Variants in NECAB2 observed in about 807,000 individuals in gnomAD.
NECAB2 encodes N-terminal EF-hand calcium binding protein 2.
NECAB2 carries 68 observed loss-of-function variants against 51.9 expected under a neutral mutation model. The ratio of observed to expected loss-of-function variants is 1.31; its 90% CI spans 1.08 to 1.60. The LOEUF (loss-of-function observed/expected upper bound fraction) is 1.60, where lower values mean the gene tolerates loss of function less well. NECAB2 is among the 40% of genes most tolerant of loss of function. The pLI, the probability that NECAB2 is intolerant of heterozygous loss-of-function variation, is 0.00. For synonymous variants in NECAB2, 329 were observed against 203.5 expected (o/e 1.62, Z -5.25); for missense variants, 854 against 490.3 (o/e 1.74, Z -7.00).
intron 6 of NECAB2, chr16:83,993,560 T>A: frequency 6.5e-6 from 1 of 154,290 alleles, no homozygotes; most frequent in Middle Eastern, 5.2e-4. Context: ...ATGGGAGGAT[T>A]TGGTCATTCA....
chr16:83,996,113 C>T (rs776231864), intron 8 of NECAB2, among the ~76,000 whole-genome samples: 1 of 152,216 alleles, frequency 6.6e-6, no homozygotes, highest in Non-Finnish European at 1.5e-5. Context: ...CCGGAGCTGC[C>T]TCTGGGCTGG....
chr16:83,992,385 C>G (rs760934308), intron 6 of NECAB2, among the ~76,000 whole-genome samples: 88 of 144,054 alleles, frequency 6.1e-4, no homozygotes, highest in Middle Eastern at 3.5e-3. Context: ...CGTCCCCCCG[C>G]CCACCTCCAT....
chr16:83,995,394 AAAT>A (rs1357653997), intron 8 of NECAB2, among the ~76,000 whole-genome samples: 1 of 152,126 alleles, frequency 6.6e-6, no homozygotes, highest in African/African-American at 2.4e-5. Context: ...ATAATCAAGA[AAAT>A]AACCTGGAGC....
upstream of NECAB2, chr16:83,965,614 G>A (rs781705166): frequency 6.2e-7 from 1 of 1,613,182 alleles, no homozygotes; most frequent in East Asian, 2.2e-5. Context: ...TGCGGGAGCA[G>A]TCCATCCTGT....
chr16:84,002,406 C>CCCT lies in NECAB2; in HGVS notation c.*60_*61insCCT, dbSNP rs34037353. 1.2e-5 allele frequency: 19 copies of CCCT among 1,572,942 alleles called. No individual in the cohort carries two copies. Among genetic ancestry groups the CCCT allele is most frequent in the African/African-American group, 4.1e-5 (3 of 73,492 alleles). On this transcript the variant is annotated 3_prime_UTR_variant, in exon 13 of 13. Coordinates refer to ENST00000305202, the MANE Select transcript of NECAB2 (RefSeq NM_019065.3). ...CCCCTTCTTCTTGTGAAGGAAATCC[C>CCCT]GTTTTTTTCTAGACAGACACTTTGG...
At chr16:83,987,803 A>T (rs1253267461) in intron 5 of NECAB2, among the ~76,000 whole-genome samples, 1 of 152,220 alleles carries the variant, frequency 6.6e-6, no homozygotes, top group Non-Finnish European at 1.5e-5. Flanking sequence ...ATAATTTATC[A>T]GAGTTGGGGA....
At chr16:83,996,939 G>T (rs867235644) in intron 8 of NECAB2, among the ~76,000 whole-genome samples, 56 of 152,026 alleles carry the variant, frequency 3.7e-4, no homozygotes, top group African/African-American at 1.3e-3. Context: ...TCTAAGGGCT[G>T]TTGCTCATCA....
chr16:83,993,075 C>T (rs956128261), intron 6 of NECAB2, among the ~76,000 whole-genome samples: 3 of 152,128 alleles, frequency 2.0e-5, no homozygotes, highest in Admixed American at 1.3e-4. Context: ...GTCGTGATAC[C>T]TCTGTTCCAC....
intron 9 of NECAB2, 78 bp downstream of exon 9, chr16:83,997,347 GC>G (rs2084722397): frequency 6.3e-7 from 1 of 1,576,350 alleles, no homozygotes; most frequent in Non-Finnish European, 8.7e-7. Context: ...GTGGCTCAAT[GC>G]CCCTGACCCC....
At chr16:83,965,344 C>T (rs1339790984), upstream of NECAB2, 2 of 1,572,404 alleles carry the variant, frequency 1.3e-6, no homozygotes, top group Non-Finnish European at 1.7e-6. Flanking sequence ...GGCTGGGCAT[C>T]CCCGGGGAGG....
rs199613874 is a variant in NECAB2 at position 83,991,667 on chromosome 16, GAC to G, written c.596+1041_596+1042del. Among the ~76,000 whole-genome samples the G allele has an allele frequency of 3.8e-3, 576 of 151,594 alleles. 9 individuals carry two copies. In the East Asian group the frequency reaches 0.04, roughly 10 times the overall value. ...GGAGCCCGGCCTTATTTTATTTATTGACACAGAATCTTGCTGTGTCCCCCAGG... is the reference window on the plus strand; with the variant it reads ...GGAGCCCGGCCTTATTTTATTTATTGACAGAATCTTGCTGTGTCCCCCAGG... On this transcript the variant is annotated intron_variant, in intron 6 of 12. Coordinates refer to ENST00000305202, the MANE Select transcript of NECAB2 (RefSeq NM_019065.3).
Position 83,980,727 on chromosome 16 carries a change from GCA to G in NECAB2, c.336-107_336-106del, listed in dbSNP as rs369444851. The G allele has an allele frequency of 6.2e-4, 868 of 1,398,140 alleles. 3 individuals carry two copies. The African/African-American group carries it at 0.012, about 19-fold the overall frequency. 86.6% of individuals were successfully genotyped at this position (1,398,140 alleles called of 1,614,324 possible). ...CTGTAAGGCGGAGCTTGTGGGGCCA[GCA>G]CACAGGCTGCAAAGAGCAGGCAGGA... On this transcript the variant is annotated intron_variant, in intron 3 of 12. Coordinates refer to ENST00000305202, the MANE Select transcript of NECAB2 (RefSeq NM_019065.3).
chr16:83,985,358 G>C (rs1327194108), intron 5 of NECAB2, among the ~76,000 whole-genome samples: 10 of 142,846 alleles, frequency 7.0e-5, no homozygotes, highest in Non-Finnish European at 1.5e-4. Context: ...GTTACTGCTG[G>C]GTGCGGTGGC....
chr16:83,979,777 G>A (rs955074312), intron 3 of NECAB2, among the ~76,000 whole-genome samples: 23 of 152,038 alleles, frequency 1.5e-4, no homozygotes, highest in Non-Finnish European at 2.8e-4. Flanking sequence ...GAGGACTCGC[G>A]GTTATGGAAG....
At chr16:83,976,835 C>T (rs973067510) in intron 2 of NECAB2, among the ~76,000 whole-genome samples, 6 of 152,076 alleles carry the variant, frequency 3.9e-5, no homozygotes, top group African/African-American at 1.4e-4. Flanking sequence ...ATCTGAGGAC[C>T]CCCCCTCTCC....
At chr16:83,978,329 C>G in intron 2 of NECAB2, 115 bp from the exon 3 acceptor site, 1 of 749,058 alleles carries the variant, frequency 1.3e-6, no homozygotes, top group Non-Finnish European at 2.2e-6. Flanking sequence ...ATTATCTGAG[C>G]TGCAGTTGTT....
chr16:83,980,939 GAGGCTGGAGGTAGCGC>G (rs2084479343), intron 4 of NECAB2, 75 bp downstream of exon 4: 1 of 1,609,076 alleles, frequency 6.2e-7, no homozygotes, highest in Non-Finnish European at 8.5e-7. Flanking sequence ...TGAGGCAGGG[GAGGCTGGAGGTAGCGC>G]AGGTGGGAGG....
intron 5 of NECAB2, among the ~76,000 whole-genome samples, chr16:83,983,607 C>T (rs1342596645): frequency 6.6e-6 from 1 of 152,046 alleles, no homozygotes; most frequent in Non-Finnish European, 1.5e-5. Context: ...TTCCCCTAAG[C>T]TATTGATGGG....
chr16:83,965,380 G>C, upstream of NECAB2: 2 of 1,573,568 alleles, frequency 1.3e-6, no homozygotes, highest in East Asian at 2.2e-5. Context: ...ACCATGAGCT[G>C]TCTGCCCTGG....
Sources: gnomAD v4.1 joint callset for allele counts (sites outside exome capture counted in the v4.1 genomes callset) on GRCh38, gnomAD v4.1.1 for gene constraint, MANE v1.5 for transcripts, NCBI Gene and HGNC (gene_info 2026-07-23, HGNC 2026-07-21) for gene names.